SGIP1: variants seen among roughly 807,000 people sequenced by gnomAD.
SGIP1 encodes SH3GL interacting endocytic adaptor 1.
SGIP1 carries 38 observed loss-of-function variants against 107.5 expected under a neutral mutation model. The ratio of observed to expected loss-of-function variants is 0.35; its 90% CI spans 0.27 to 0.46. The LOEUF is 0.46. SGIP1 is among the 20% of genes least tolerant of loss of function. SGIP1 has a pLI of 1.00. For synonymous variants in SGIP1, 365 were observed against 366.1 expected (o/e 1.00, Z 0.03); for missense variants, 929 against 1,019.5 (o/e 0.91, Z 1.21).
At chr1:66,654,900 G>T (rs2079444792) in intron 7 of SGIP1, among the ~76,000 whole-genome samples, 1 of 152,200 alleles carries the variant, frequency 6.6e-6, no homozygotes, top group African/African-American at 2.4e-5. Context: ...CAGATGGACT[G>T]GCCTCAGTGT....
chr1:66,646,264 C>G (rs1221767802), intron 7 of SGIP1, among the ~76,000 whole-genome samples: 1 of 152,110 alleles, frequency 6.6e-6, no homozygotes, highest in East Asian at 1.9e-4. Flanking sequence ...TTTCATGTCT[C>G]CAGCCAAAAG....
At chr1:66,609,508 T>A (rs1285444417) in intron 1 of SGIP1, among the ~76,000 whole-genome samples, 2 of 152,180 alleles carry the variant, frequency 1.3e-5, no homozygotes, top group Non-Finnish European at 2.9e-5. Context: ...CTGTGACAGA[T>A]AAAACTGGAG....
chr1:66,538,527 A>G (rs1445109213), intron 1 of SGIP1, among the ~76,000 whole-genome samples: 1 of 152,198 alleles, frequency 6.6e-6, no homozygotes, highest in Non-Finnish European at 1.5e-5. Flanking sequence ...AAACCATACT[A>G]GAAGACTCTG....
At chr1:66,627,253 G>A (rs2073072485) in intron 2 of SGIP1, among the ~76,000 whole-genome samples, 2 of 152,060 alleles carry the variant, frequency 1.3e-5, no homozygotes, top group African/African-American at 2.4e-5. Flanking sequence ...GTGATGCTTC[G>A]GGGTGGGGGA....
chr1:66,734,227 C>G (rs895815412), intron 21 of SGIP1, among the ~76,000 whole-genome samples: 14 of 151,942 alleles, frequency 9.2e-5, no homozygotes, highest in African/African-American at 3.4e-4. Context: ...TATACTAAAA[C>G]CTCTTATTTT....
chr1:66,605,830 G>C (rs1168714640), intron 1 of SGIP1, among the ~76,000 whole-genome samples: 1 of 152,096 alleles, frequency 6.6e-6, no homozygotes, highest in African/African-American at 2.4e-5. Flanking sequence ...TCAATTAGCC[G>C]TGTCTTGAGA....
At chr1:66,701,060 T>C (rs537772419) in intron 18 of SGIP1, among the ~76,000 whole-genome samples, 1 of 152,316 alleles carries the variant, frequency 6.6e-6, no homozygotes, top group Middle Eastern at 3.4e-3. Context: ...AGCAGGTTAT[T>C]AAATACCCCT....
At chr1:66,729,525 C>G (rs1269547291) in intron 20 of SGIP1, 106 bp downstream of exon 20, 7 of 1,344,366 alleles carry the variant, frequency 5.2e-6, no homozygotes, top group Non-Finnish European at 6.2e-6. Flanking sequence ...AGTGAAATTA[C>G]CACCACTCAG....
chr1:66,679,575 T>G lies in SGIP1; in HGVS notation c.740-103T>G, dbSNP rs74607954. ...CCATTAATTGCTATTCCATTTCCAA[T>G]AGCAGGAATATAACTGAAAGCCCAA... On this transcript the variant is annotated intron_variant, in intron 13 of 24. Transcript: ENST00000371037. The G allele has an allele frequency of 9.0e-4, 1,074 of 1,196,628 alleles. 13 individuals carry two copies. In the East Asian group the frequency reaches 0.026, roughly 29 times the overall value. 74.1% of individuals were successfully genotyped at this position (1,196,628 alleles called of 1,614,324 possible). A position where few individuals can be genotyped will look rare whatever the true frequency, so the allele number is the denominator to read the frequency against.
At chr1:66,658,079 A>T (rs1239631980) in intron 7 of SGIP1, among the ~76,000 whole-genome samples, 1 of 152,146 alleles carries the variant, frequency 6.6e-6, no homozygotes, top group African/African-American at 2.4e-5. Flanking sequence ...AGGTGGAGAG[A>T]TGTAGAGGAG....
intron 12 of SGIP1, among the ~76,000 whole-genome samples, chr1:66,675,533 TTTTCTTTC>T: frequency 1.1e-5 from 1 of 90,052 alleles, no homozygotes; most frequent in South Asian, 7.0e-4. Flanking sequence ...TTCTTTTTCT[TTTTCTTTC>T]TTTTTTTTTT....
chr1:66,684,478 C>G (rs569227464), intron 15 of SGIP1, among the ~76,000 whole-genome samples: 3 of 152,296 alleles, frequency 2.0e-5, no homozygotes, highest in African/African-American at 7.2e-5. Flanking sequence ...TATGTAAATC[C>G]TCCAAACCAC....
At chr1:66,742,963 G>T (rs1186812170) in intron 24 of SGIP1, 110 bp from the exon 25 acceptor site, 12 of 1,013,240 alleles carry the variant, frequency 1.2e-5, no homozygotes, top group Non-Finnish European at 1.8e-5. Flanking sequence ...TCTGAAGTAT[G>T]CAGTATCTGG....
rs757125971 is a variant in SGIP1, at chr1:66,689,247, C to T, written c.1415C>T (p.Pro472Leu). The T allele has an allele frequency of 6.2e-7, 1 of 1,613,666 alleles. No homozygotes were observed. Among genetic ancestry groups the T allele is most frequent in the Non-Finnish European group, 8.5e-7 (1 of 1,179,758 alleles). The stretch of plus-strand genomic sequence containing the variant: ...CGGCCTCCATCCCGGCCAAAGCTAC[C>T]TCCAGGAAAACCTGGAGTTGGAGAT... ...PPRPPSRPKL[P>L]PGKPGVGDVS... is the part of the protein sequence containing the mutation. Residue 472 changes from proline (P) to leucine (L), a missense_variant, in exon 16 of 25, where the codon CCT (proline) becomes CTT (leucine). Pro to Leu is a moderately conservative substitution (Grantham distance 98). Around this residue, in one of 2 missense-constraint regions of SGIP1, gnomAD observed 588 missense variants for 588.6 expected, o/e 1.00. Coordinates refer to ENST00000371037, the MANE Select transcript of SGIP1 (RefSeq NM_032291.4).
intron 15 of SGIP1, 101 bp from the exon 16 acceptor site, chr1:66,689,047 C>CAA (rs35898963): frequency 5.9e-4 from 716 of 1,214,832 alleles, no homozygotes; most frequent in Non-Finnish European, 6.6e-4. Context: ...ACTGCCAAGG[C>CAA]AAAAAAAAAA....
At chr1:66,699,457 C>T (rs755515675) in intron 18 of SGIP1, among the ~76,000 whole-genome samples, 14 of 152,102 alleles carry the variant, frequency 9.2e-5, no homozygotes, top group African/African-American at 3.1e-4. Flanking sequence ...ATAGAGTGTA[C>T]GTGTGTGACC....
At chr1:66,721,320 T>C (rs769355950) in intron 19 of SGIP1, among the ~76,000 whole-genome samples, 2 of 152,242 alleles carry the variant, frequency 1.3e-5, no homozygotes, top group Non-Finnish European at 2.9e-5. Context: ...ATTCCAGTTC[T>C]AAGAAAATTT....
intron 21 of SGIP1, among the ~76,000 whole-genome samples, chr1:66,737,715 T>C (rs1332669941): frequency 6.6e-6 from 1 of 152,208 alleles, no homozygotes; most frequent in Non-Finnish European, 1.5e-5. Flanking sequence ...TAGCCTAATA[T>C]ATTCCAAAGT....
chr1:66,624,643 T>A (rs2072153272), intron 1 of SGIP1, among the ~76,000 whole-genome samples: 2 of 152,198 alleles, frequency 1.3e-5, no homozygotes, highest in Admixed American at 6.5e-5. Flanking sequence ...AAATGTATCA[T>A]CAACTCACTG....
Sources: allele counts gnomAD v4.1 joint callset (sites outside exome capture counted in the v4.1 genomes callset), GRCh38; gene constraint gnomAD v4.1.1; regional missense constraint gnomAD v4.1.1; transcripts MANE v1.5; gene names NCBI Gene and HGNC (gene_info 2026-07-23, HGNC 2026-07-21).